Variants in ACSL5 observed in about 807,000 individuals in gnomAD.
The protein encoded by ACSL5 is acyl-CoA synthetase long chain family member 5, also known as long-chain-fatty-acid--CoA ligase 5.
Under a neutral mutation model 84.9 loss-of-function variants are expected in ACSL5, and 50 were observed. The ratio of observed to expected loss-of-function variants is 0.59; its 90% CI spans 0.47 to 0.75. ACSL5 has a LOEUF of 0.75. Among genes scored for constraint, ACSL5 ranks in the 30% least tolerant of loss-of-function variants. The probability of loss-of-function intolerance (pLI) is 0.00; values close to 1 mark genes in which losing one functional copy is unlikely to be tolerated. For missense variants in ACSL5, 775 were observed against 830.4 expected (o/e 0.93, Z 0.82); for synonymous variants, 280 against 300.7 (o/e 0.93, Z 0.71).
At chr10:112,376,577 G>A (rs1402509497) in intron 1 of ACSL5, 13 of 1,312,032 alleles carry the variant, frequency 9.9e-6, no homozygotes, top group East Asian at 2.4e-5. Flanking sequence ...TGAGTTCCAC[G>A]GGCACATCAT....
intron 12 of ACSL5, 61 bp from the exon 13 acceptor site, chr10:112,416,827 C>T (rs1589695322): frequency 6.3e-7 from 1 of 1,576,260 alleles, no homozygotes; most frequent in Non-Finnish European, 8.7e-7. Flanking sequence ...TTCTTGCTCA[C>T]TAATGGCTTT....
At chr10:112,406,254 CGA>C (rs1447730970) in intron 5 of ACSL5, 1 of 152,172 alleles carries the variant, frequency 6.6e-6, no homozygotes, top group African/African-American at 2.4e-5. Flanking sequence ...TAGCTTCTCC[CGA>C]GGCCTCTCTC....
intron 1 of ACSL5, 108 bp from the exon 2 acceptor site, chr10:112,394,810 G>A (rs181503693): frequency 3.7e-5 from 54 of 1,468,310 alleles, no homozygotes; most frequent in Admixed American, 2.1e-4. Flanking sequence ...GCGTGCGCGC[G>A]TGTGTGTGTG....
intron 1 of ACSL5, among the ~76,000 whole-genome samples, chr10:112,390,104 G>A (rs112627119): frequency 5.0e-5 from 2 of 39,994 alleles, no homozygotes; most frequent in Non-Finnish European, 1.2e-4. Flanking sequence ...AAATAAAAAA[G>A]AGATTATCAA....
At chr10:112,378,940 A>G (rs976401879) in intron 1 of ACSL5, among the ~76,000 whole-genome samples, 10 of 152,310 alleles carry the variant, frequency 6.6e-5, no homozygotes, top group African/African-American at 2.2e-4. Flanking sequence ...AGGCCACACT[A>G]TTAGCCTTCT....
At chr10:112,379,319 C>T (rs1221300198) in intron 1 of ACSL5, among the ~76,000 whole-genome samples, 2 of 151,704 alleles carry the variant, frequency 1.3e-5, no homozygotes, top group East Asian at 2.0e-4. Flanking sequence ...GCAGGAGAAT[C>T]GCTTGAACCC....
In ACSL5 at chr10:112,416,343, T is replaced by C. The variant is rs566823508; in HGVS notation, c.1084-545T>C. ...AAAGCTAGCTGGGCGTGGTGGCGGGTGCCTGTAGTCCCAGCTACTCAGGAG... is the reference window on the plus strand; with the variant it reads ...AAAGCTAGCTGGGCGTGGTGGCGGGCGCCTGTAGTCCCAGCTACTCAGGAG... On this transcript the variant is annotated intron_variant, in intron 12 of 20. Transcript: ENST00000354655. Among the ~76,000 whole-genome samples, 34 of 151,878 alleles carry C rather than the reference T, an allele frequency of 2.2e-4. 1 individual carries two copies. In the South Asian group the frequency reaches 6.3e-3, roughly 28 times the overall value.
intron 10 of ACSL5, 101 bp from the exon 11 acceptor site, chr10:112,411,801 T>G: frequency 9.0e-7 from 1 of 1,112,006 alleles, no homozygotes; most frequent in Non-Finnish European, 1.4e-6. Context: ...TATACAGCTG[T>G]CTGTGGTAGT....
rs554940954 is a variant in ACSL5, at chr10:112,425,424, T to C, written c.1680T>C (p.Asn560=). Reference sequence around the variant, plus strand: ...ACATTGCACCAGAGAAGATAGAAAATATCTACAACAGGAGTCAACCAGTGT... The same window carrying C: ...ACATTGCACCAGAGAAGATAGAAAACATCTACAACAGGAGTCAACCAGTGT... The part of the protein sequence containing the change: ...GEYIAPEKIE[N]IYNRSQPVLQ... Residue 560 remains asparagine, a synonymous_variant, in exon 18 of 21, where the codon AAT becomes AAC. Coordinates refer to ENST00000354655, the MANE Select transcript of ACSL5 (RefSeq NM_203379.2). 879 of 1,613,402 alleles carry C rather than the reference T, an allele frequency of 5.4e-4. 7 individuals carry two copies. In the South Asian group the frequency reaches 9.2e-3, roughly 17 times the overall value.
intron 15 of ACSL5, 130 bp downstream of exon 15, chr10:112,421,795 G>A: frequency 7.7e-7 from 1 of 1,297,750 alleles, no homozygotes; most frequent in South Asian, 1.2e-5. Context: ...CAAGTTTTGG[G>A]TCCAGGCCTG....
At chr10:112,388,292 AACTT>A (rs1166100181) in intron 1 of ACSL5, among the ~76,000 whole-genome samples, 3 of 152,154 alleles carry the variant, frequency 2.0e-5, no homozygotes, top group Non-Finnish European at 4.4e-5. Context: ...CCATGTAGAT[AACTT>A]CATTCCAACT....
rs1364513912 is a variant in ACSL5 at position 112,423,054 on chromosome 10, G to C, written c.1593+613G>C. ...ATACAAAAAATTAGCTGGGCGTGGT[G>C]GTGGGCGCCTGTAGTTCCAGCTACT... On this transcript the variant is annotated intron_variant, in intron 17 of 20. Transcript: ENST00000354655. Among the ~76,000 whole-genome samples, 7 of 136,846 alleles carry C rather than the reference G, an allele frequency of 5.1e-5. No individual in the cohort carries two copies. The East Asian group carries it at 1.6e-3, about 30-fold the overall frequency. The allele number at this position is 136,846 out of a possible 152,430, so 89.8% of individuals were successfully genotyped here.
chr10:112,417,820 G>A, intron 13 of ACSL5, 26 bp from the exon 14 acceptor site: 1 of 1,599,814 alleles, frequency 6.3e-7, no homozygotes, highest in Non-Finnish European at 8.6e-7. Flanking sequence ...ATAGGTTTTA[G>A]TATGTCTTTT....
intron 3 of ACSL5, among the ~76,000 whole-genome samples, chr10:112,401,947 TTCTCTC>T (rs57651640): frequency 4.3e-5 from 6 of 140,372 alleles, no homozygotes; most frequent in African/African-American, 8.0e-5. Context: ...TTCTCTTTCT[TTCTCTC>T]TCTCTCTCTC....
At chr10:112,411,628 A>C in intron 10 of ACSL5, 99 bp downstream of exon 10, 1 of 487,776 alleles carries the variant, frequency 2.1e-6, no homozygotes. Flanking sequence ...ACACACACAT[A>C]CACACACACA....
intron 10 of ACSL5, 73 bp from the exon 11 acceptor site, chr10:112,411,829 T>C (rs1296802986): frequency 1.4e-6 from 2 of 1,435,270 alleles, no homozygotes; most frequent in East Asian, 4.5e-5. Context: ...GGAGGTAGTT[T>C]TAAAATCTCC....
At chr10:112,426,425 C>T in intron 19 of ACSL5, 66 bp downstream of exon 19, 16 of 1,345,020 alleles carry the variant, frequency 1.2e-5, no homozygotes, top group Non-Finnish European at 1.7e-5. Context: ...GGATGCCTCA[C>T]CAGTTCCTGC....
chr10:112,417,960 T>C lies in ACSL5; in HGVS notation c.1314+19T>C, dbSNP rs1048444682. ...ATGTCAGGTAAGCCAAGCACCTTCT[T>C]TGAGAATAGGCTATTTTACTTTTGC... is the stretch of plus-strand genomic sequence containing the variant. On this transcript the variant is annotated intron_variant, in intron 14 of 20. Transcript: ENST00000354655. 1.9e-6 allele frequency: 3 copies of C among 1,568,238 alleles called. No homozygotes were observed. Among genetic ancestry groups the C allele is most frequent in the African/African-American group, 2.7e-5 (2 of 73,014 alleles).
At chr10:112,422,110 C>T (rs1388206321) in intron 16 of ACSL5, 75 bp downstream of exon 16, 2 of 1,529,340 alleles carry the variant, frequency 1.3e-6, no homozygotes, top group Non-Finnish European at 1.8e-6. Flanking sequence ...TAATTGTAAG[C>T]AAACTTGGAT....
Sources: gnomAD v4.1 joint callset for allele counts (sites outside exome capture counted in the v4.1 genomes callset) on GRCh38, gnomAD v4.1.1 for gene constraint, MANE v1.5 for transcripts, NCBI Gene and HGNC (gene_info 2026-07-23, HGNC 2026-07-21) for gene names.